IQCH: variants seen among roughly 807,000 people sequenced by gnomAD.
The protein encoded by IQCH is IQ motif containing H.
A neutral mutation model predicts 117.0 loss-of-function variants in IQCH; 98 were observed. That is an observed-to-expected ratio of 0.84 (90% CI 0.71 to 0.99). IQCH has a LOEUF of 0.99. IQCH is among the 50% of genes least tolerant of loss of function. The pLI, the probability that IQCH is intolerant of heterozygous loss-of-function variation, is 0.00. For synonymous variants in IQCH, 412 were observed against 448.2 expected, an observed-to-expected ratio of 0.92 and a Z score of 1.02; for missense variants, 1,102 against 1,243.8, an observed-to-expected ratio of 0.89 and a Z score of 1.72.
At chr15:67,317,044 T>C (rs1967881008) in intron 4 of IQCH, among the ~76,000 whole-genome samples, 1 of 152,164 alleles carries the variant, frequency 6.6e-6, no homozygotes, top group South Asian at 2.1e-4. Context: ...GCTAGTACTT[T>C]TAAGATGAAA....
chr15:67,285,642 AG>A (rs1300692486), intron 4 of IQCH, among the ~76,000 whole-genome samples: 1 of 152,162 alleles, frequency 6.6e-6, no homozygotes, highest in Non-Finnish European at 1.5e-5. Flanking sequence ...GGTGTAAGGA[AG>A]GGGTCCAGTT....
intron 4 of IQCH, among the ~76,000 whole-genome samples, chr15:67,299,309 T>TA (rs1191876735): frequency 6.6e-6 from 1 of 151,700 alleles, no homozygotes; most frequent in African/African-American, 2.4e-5. Context: ...GGGGGATAGT[T>TA]AATGAGCACA....
Position 67,473,016 on chromosome 15 carries a change from T to C in IQCH, c.2677-2680T>C, listed in dbSNP as rs2083110155. 6.6e-6 allele frequency among the ~76,000 whole-genome samples: 1 copy of C among 152,184 alleles called. No individual in the cohort carries two copies. Among genetic ancestry groups the C allele is most frequent in the South Asian group, 2.1e-4 (1 of 4,828 alleles). On this transcript the variant is annotated intron_variant, in intron 17 of 20. Coordinates refer to ENST00000335894, the MANE Select transcript of IQCH (RefSeq NM_001031715.3). This position sits in a 1 kb window ranked among gnomAD's most constrained non-coding sequence, Gnocchi z 4.9. ...GCTTTGGAGCCAAGATACATAGTAT[T>C]GCTAGATTGTGCTACCACATGCCTG... is the stretch of plus-strand genomic sequence containing the variant.
In IQCH at chr15:67,388,650, A is replaced by G. The variant is rs1307115055; in HGVS notation, c.1457-181A>G. Among the ~76,000 whole-genome samples, 1 of 152,186 alleles carries G rather than the reference A, an allele frequency of 6.6e-6. No homozygotes were observed. Among genetic ancestry groups the G allele is most frequent in the Non-Finnish European group, 1.5e-5 (1 of 68,046 alleles). On this transcript the variant is annotated intron_variant, in intron 11 of 20. Transcript: ENST00000335894. This position sits in a 1 kb window ranked among gnomAD's most constrained non-coding sequence, Gnocchi z 5.5. ...TGTTATTTATATTTTCTTTAGAGAA[A>G]TGCCGAACTGTAAAAAAGCCAGTTA...
At chr15:67,397,898 G>T (rs1390837220) in intron 13 of IQCH, among the ~76,000 whole-genome samples, 1 of 152,132 alleles carries the variant, frequency 6.6e-6, no homozygotes, top group Non-Finnish European at 1.5e-5. Context: ...AACTGTGAAA[G>T]TTCTCTTTCT....
At chr15:67,353,831 T>G (rs979716800) in intron 6 of IQCH, among the ~76,000 whole-genome samples, 12 of 152,188 alleles carry the variant, frequency 7.9e-5, no homozygotes, top group Non-Finnish European at 1.6e-4. Context: ...CAATATATTT[T>G]AAAATATGAA....
rs1965910008 is a variant in IQCH at position 67,271,835 on chromosome 15, GT to G, written c.270-7557del. ...TCTTTTTTTCTTAGTCTAGCTAAAG[GT>G]TTGTTGATTGTCTTTATCTTTTCAA... On this transcript the variant is annotated intron_variant, in intron 3 of 20. Transcript: ENST00000335894. Among the ~76,000 whole-genome samples the G allele has an allele frequency of 2.0e-5, 3 of 151,754 alleles. No individual in the cohort carries two copies. In the South Asian group the frequency reaches 6.2e-4, roughly 32 times the overall value.
intron 8 of IQCH, among the ~76,000 whole-genome samples, chr15:67,368,729 C>T (rs1970418821): frequency 6.6e-6 from 1 of 152,086 alleles, no homozygotes; most frequent in South Asian, 2.1e-4. Context: ...AAATACTTGG[C>T]CATTTGCCAC....
At chr15:67,353,898 A>T (rs1409402822) in intron 6 of IQCH, among the ~76,000 whole-genome samples, 1 of 152,234 alleles carries the variant, frequency 6.6e-6, no homozygotes. Context: ...AAAAAATAAC[A>T]AACTTAAAAC....
rs1241211210 is a variant in IQCH, at chr15:67,386,264, A to G, written c.1456+1245A>G. Among the ~76,000 whole-genome samples the G allele has an allele frequency of 1.3e-5, 2 of 152,186 alleles. No individual in the cohort carries two copies. Among genetic ancestry groups the G allele is most frequent in the African/African-American group, 2.4e-5 (1 of 41,454 alleles). ...TATATATAGTATAAGCCATCACGAA[A>G]TAATTTCTTTATAAAAGATTCTCAT... On this transcript the variant is annotated intron_variant, in intron 11 of 20. Transcript: ENST00000335894. The surrounding 1 kb of genome is among the most constrained non-coding windows in gnomAD (Gnocchi z 5.0).
rs2081494749 is a variant in IQCH at position 67,413,250 on chromosome 15, G to A, written c.2098-3681G>A. On this transcript the variant is annotated intron_variant, in intron 14 of 20. Transcript: ENST00000335894. This position sits in a 1 kb window ranked among gnomAD's most constrained non-coding sequence, Gnocchi z 5.0. ...GAACAGAAAGCCCCCCAAAAACTGAGAGCTTGCATCTGACGTCGATAGACC... is the reference window on the plus strand; with the variant it reads ...GAACAGAAAGCCCCCCAAAAACTGAAAGCTTGCATCTGACGTCGATAGACC... Among the ~76,000 whole-genome samples, 1 of 152,152 alleles carries A rather than the reference G, an allele frequency of 6.6e-6. No homozygotes were observed. Among genetic ancestry groups the A allele is most frequent in the Non-Finnish European group, 1.5e-5 (1 of 68,026 alleles).
At chr15:67,316,867 T>G (rs1967873086) in intron 4 of IQCH, among the ~76,000 whole-genome samples, 1 of 152,170 alleles carries the variant, frequency 6.6e-6, no homozygotes, top group African/African-American at 2.4e-5. Flanking sequence ...AGGGTGGTGA[T>G]TTTGACCTGC....
At position 67,373,442 on chromosome 15, in the gene IQCH, C is replaced by T. The variant is rs1356698427; in HGVS notation, c.1372+9C>T. 6.3e-7 allele frequency: 1 copy of T among 1,580,856 alleles called. No individual in the cohort carries two copies. The highest frequency in any genetic ancestry group is 8.7e-7 in the Non-Finnish European group (1 of 1,150,034). ...CCATATCCCATCATTAGGTATAACA[C>T]TTTTGCCTGCAAATCTATCAGCAAC... On this transcript the variant is annotated intron_variant, in intron 10 of 20. Transcript: ENST00000335894.
In IQCH at chr15:67,337,136, A is replaced by G. The variant is rs754372962; in HGVS notation, c.508+41A>G. The G allele has an allele frequency of 2.5e-6, 4 of 1,609,134 alleles. No individual in the cohort carries two copies. The South Asian group carries it at 4.4e-5, about 18-fold the overall frequency. ...GCCATTTTACGTGTTTAGGAACGGA[A>G]AAGAAAGAGCATTGAGGTAGGATCG... On this transcript the variant is annotated intron_variant, in intron 5 of 20. Coordinates refer to ENST00000335894, the MANE Select transcript of IQCH (RefSeq NM_001031715.3).
At chr15:67,320,591 C>T (rs541284383) in intron 4 of IQCH, among the ~76,000 whole-genome samples, 8 of 152,268 alleles carry the variant, frequency 5.3e-5, no homozygotes, top group African/African-American at 1.7e-4. Context: ...ACATTTTTGT[C>T]AACCTGAATT....
At position 67,456,265 on chromosome 15, in the gene IQCH, T is replaced by C. The variant is rs1187435983; in HGVS notation, c.2506-8862T>C. Among the ~76,000 whole-genome samples the C allele has an allele frequency of 1.3e-5, 2 of 152,220 alleles. No homozygotes were observed. The highest frequency in any genetic ancestry group is 4.8e-5 in the African/African-American group (2 of 41,444). ...TTTTAGATATAGTTTCTGCATATCA[T>C]GAACGAATTTCCAAAGTCACAGAGA... On this transcript the variant is annotated intron_variant, in intron 16 of 20. Transcript: ENST00000335894. The surrounding 1 kb of genome is among the most constrained non-coding windows in gnomAD (Gnocchi z 5.1).
At chr15:67,264,895 G>GTATA (rs10664761) in intron 3 of IQCH, among the ~76,000 whole-genome samples, 14 of 150,892 alleles carry the variant, frequency 9.3e-5, no homozygotes, top group Admixed American at 4.0e-4. Flanking sequence ...CCTACCATAT[G>GTATA]TATATATATA....
At chr15:67,324,029 C>T (rs1275952360) in intron 4 of IQCH, among the ~76,000 whole-genome samples, 1 of 150,010 alleles carries the variant, frequency 6.7e-6, no homozygotes, top group East Asian at 2.0e-4. Context: ...CTGCAACCTC[C>T]ACCTCCCGGG....
intron 4 of IQCH, chr15:67,307,033 T>C: frequency 7.5e-7 from 1 of 1,329,244 alleles, no homozygotes; most frequent in Non-Finnish European, 9.6e-7. Flanking sequence ...AAAGAACAAT[T>C]ATGAATGCAT....
Sources: allele counts gnomAD v4.1 joint callset (sites outside exome capture counted in the v4.1 genomes callset), GRCh38; gene constraint gnomAD v4.1.1; non-coding constraint Gnocchi (gnomAD v3.1); transcripts MANE v1.5; gene names NCBI Gene and HGNC (gene_info 2026-07-23, HGNC 2026-07-21).